Variants in RBFOX3 observed in about 807,000 individuals in gnomAD.
RBFOX3 encodes RNA binding fox-1 homolog 3.
Under a neutral mutation model 48.7 loss-of-function variants are expected in RBFOX3, and 17 were observed. The ratio of observed to expected loss-of-function variants is 0.35; its 90% CI spans 0.24 to 0.52. The LOEUF (loss-of-function observed/expected upper bound fraction) is 0.52, where lower values mean the gene tolerates loss of function less well. Among genes scored for constraint, RBFOX3 ranks in the 20% least tolerant of loss-of-function variants. RBFOX3 has a pLI of 0.94. For synonymous variants in RBFOX3, 212 were observed against 209.5 expected, an observed-to-expected ratio of 1.01 and a Z score of -0.10; for missense variants, 382 against 497.5, an observed-to-expected ratio of 0.77 and a Z score of 2.21.
chr17:79,242,679 G>A lies in RBFOX3; in HGVS notation c.-73-6874C>T, dbSNP rs2062561262. The stretch of plus-strand genomic sequence containing the variant: ...GACCGGGGAGTTCTGGCAGGTTCTG[G>A]CCATCACAGTAGTCCCTGGAGTGGC... On this transcript the variant is annotated intron_variant, in intron 3 of 14. Transcript: ENST00000693108. The surrounding 1 kb of genome is among the most constrained non-coding windows in gnomAD (Gnocchi z 5.8). 6.6e-6 allele frequency among the ~76,000 whole-genome samples: 1 copy of A among 152,066 alleles called. No homozygotes were observed. The highest frequency in any genetic ancestry group is 2.1e-4 in the South Asian group (1 of 4,822).
rs76619224 is a variant in RBFOX3, at chr17:79,315,739, G to A, written c.-174-7915C>T. Among the ~76,000 whole-genome samples the A allele has an allele frequency of 9.1e-3, 1,378 of 152,222 alleles. 17 individuals are homozygous for A. The highest frequency in any genetic ancestry group is 0.032 in the African/African-American group (1,310 of 41,448). ...AAGCCTGGCGTTTCTGCGGGCTGCC[G>A]CCCGTGCCGCCACCCTGGGGGTCTC... is the stretch of plus-strand genomic sequence containing the variant. On this transcript the variant is annotated intron_variant, in intron 2 of 14. Transcript: ENST00000693108.
At chr17:79,567,180 CTT>C (rs1159762873) in intron 1 of RBFOX3, among the ~76,000 whole-genome samples, 10,150 of 91,504 alleles carry the variant, frequency 0.11, 405 homozygotes, top group African/African-American at 0.22. Flanking sequence ...TTCTTTCTTT[CTT>C]TTTTTTTTTT....
intron 1 of RBFOX3, among the ~76,000 whole-genome samples, chr17:79,537,566 C>A (rs1555789066): frequency 6.6e-6 from 1 of 152,200 alleles, no homozygotes; most frequent in Non-Finnish European, 1.5e-5. Context: ...GCTAGACACA[C>A]AATTCCCTTG....
At chr17:79,098,822 A>C (rs1424699534) in intron 9 of RBFOX3, 1 of 152,296 alleles carries the variant, frequency 6.6e-6, no homozygotes, top group Non-Finnish European at 1.5e-5. Context: ...GTCCCTTTGC[A>C]CTGGGTGGGG....
chr17:79,173,502 G>A (rs2049842058), intron 4 of RBFOX3, among the ~76,000 whole-genome samples: 1 of 152,272 alleles, frequency 6.6e-6, no homozygotes, highest in African/African-American at 2.4e-5. Flanking sequence ...TCTCTAAGGG[G>A]CCCACCTGCA....
chr17:79,176,203 C>T (rs900392662), intron 4 of RBFOX3, among the ~76,000 whole-genome samples: 1 of 152,216 alleles, frequency 6.6e-6, no homozygotes, highest in African/African-American at 2.4e-5. Flanking sequence ...TGCAGGGACC[C>T]CAGGGCGAGG....
At chr17:79,559,099 C>T (rs1312509018) in intron 1 of RBFOX3, among the ~76,000 whole-genome samples, 1 of 152,120 alleles carries the variant, frequency 6.6e-6, no homozygotes, top group African/African-American at 2.4e-5. Context: ...GCACTGATGA[C>T]CTCACAATCT....
rs1210715862 is a variant in RBFOX3, at chr17:79,195,909, C to A, written c.-34+39857G>T. On this transcript the variant is annotated intron_variant, in intron 4 of 14. Coordinates refer to ENST00000693108, the MANE Select transcript of RBFOX3 (RefSeq NM_001350451.2). The surrounding 1 kb of genome is among the most constrained non-coding windows in gnomAD (Gnocchi z 5.3). ...TTTCTCTCCGAGGTAGAAGGAGAGG[C>A]CTCGGAAATGCCATTCCAGTGAAAC... Among the ~76,000 whole-genome samples, 1 of 152,192 alleles carries A rather than the reference C, an allele frequency of 6.6e-6. No individual in the cohort carries two copies. Among genetic ancestry groups the A allele is most frequent in the African/African-American group, 2.4e-5 (1 of 41,444 alleles).
rs2063627865 is a variant in RBFOX3, at chr17:79,249,490, G to A, written c.-73-13685C>T. 6.6e-6 allele frequency among the ~76,000 whole-genome samples: 1 copy of A among 151,990 alleles called. No homozygotes were observed. Among genetic ancestry groups the A allele is most frequent in the South Asian group, 2.1e-4 (1 of 4,818 alleles). ...AGGCAGCAAACAACGGGCTTGGGGT[G>A]TGCTTTTTCACCTGCAAACCGGCCA... On this transcript the variant is annotated intron_variant, in intron 3 of 14. Transcript: ENST00000693108. This position sits in a 1 kb window ranked among gnomAD's most constrained non-coding sequence, Gnocchi z 4.1.
rs1012970783 is a variant in RBFOX3 at position 79,391,254 on chromosome 17, G to A, written c.-174-83430C>T. On this transcript the variant is annotated intron_variant, in intron 2 of 14. Coordinates refer to ENST00000693108, the MANE Select transcript of RBFOX3 (RefSeq NM_001350451.2). The surrounding 1 kb of genome is among the most constrained non-coding windows in gnomAD (Gnocchi z 5.0). Reference sequence around the variant, plus strand: ...CAGGATGAAATCCAAATTCCTTAGCGCAACCCCCAAGCTGGGGTCTCAGCT... The same window carrying A: ...CAGGATGAAATCCAAATTCCTTAGCACAACCCCCAAGCTGGGGTCTCAGCT... Among the ~76,000 whole-genome samples, 4 of 151,954 alleles carry A rather than the reference G, an allele frequency of 2.6e-5. No individual in the cohort carries two copies. The highest frequency in any genetic ancestry group is 7.3e-5 in the African/African-American group (3 of 41,346).
the RBFOX3 span, among the ~76,000 whole-genome samples, chr17:79,650,339 A>G: frequency 6.6e-6 from 1 of 152,064 alleles, no homozygotes; most frequent in Non-Finnish European, 1.5e-5. Flanking sequence ...GGGGTGGGCC[A>G]GGGACGGGGC....
the RBFOX3 span, among the ~76,000 whole-genome samples, chr17:79,617,229 C>T: frequency 2.6e-5 from 4 of 152,166 alleles, no homozygotes; most frequent in Non-Finnish European, 5.9e-5. Context: ...TCCATCCAGC[C>T]CTCTCTTGCT....
chr17:79,651,916 T>A, the RBFOX3 span, among the ~76,000 whole-genome samples: 1 of 123,158 alleles, frequency 8.1e-6, no homozygotes, highest in African/African-American at 3.2e-5. Context: ...AGCAGCCATA[T>A]GGAGAGGCTC....
chr17:79,138,690 G>A (rs12953099), intron 4 of RBFOX3, among the ~76,000 whole-genome samples: 2 of 27,034 alleles, frequency 7.4e-5, no homozygotes, highest in African/African-American at 1.8e-4. Flanking sequence ...CCATACACAT[G>A]GACACAGCAC....
chr17:79,334,073 T>C (rs922270584), intron 2 of RBFOX3, among the ~76,000 whole-genome samples: 1 of 152,146 alleles, frequency 6.6e-6, no homozygotes, highest in African/African-American at 2.4e-5. Flanking sequence ...ATTTCTTGTT[T>C]CTGTTGCTTT....
intron 2 of RBFOX3, among the ~76,000 whole-genome samples, chr17:79,465,202 C>T (rs1388372484): frequency 2.6e-5 from 4 of 152,354 alleles, no homozygotes; most frequent in South Asian, 2.1e-4. Flanking sequence ...CCCCTCACCC[C>T]GACACGGGAG....
At chr17:79,196,371 G>T (rs2703549) in intron 4 of RBFOX3, among the ~76,000 whole-genome samples, 85,212 of 152,078 alleles carry the variant, frequency 0.56, 25,997 homozygotes, top group Middle Eastern at 0.7. Context: ...ACCACCCGTG[G>T]GACTCTGAGC....
At chr17:79,237,234 C>T (rs556793442) in intron 3 of RBFOX3, among the ~76,000 whole-genome samples, 26 of 152,314 alleles carry the variant, frequency 1.7e-4, no homozygotes, top group Middle Eastern at 3.4e-3. Context: ...CAGACTGGGC[C>T]TCTTTCTTCA....
Position 79,302,538 on chromosome 17 carries a change from G to A in RBFOX3, c.-74+5186C>T, listed in dbSNP as rs541081080. ...CTACTAAAAATACAAAAAATTAGCT[G>A]GGCGTGGTGGCAGTCGCCTGTAATC... is the stretch of plus-strand genomic sequence containing the variant. On this transcript the variant is annotated intron_variant, in intron 3 of 14. Transcript: ENST00000693108. Among the ~76,000 whole-genome samples, 7 of 152,252 alleles carry A rather than the reference G, an allele frequency of 4.6e-5. No individual in the cohort carries two copies. In the East Asian group the frequency reaches 7.7e-4, roughly 17 times the overall value.
Sources: allele counts gnomAD v4.1 joint callset (sites outside exome capture counted in the v4.1 genomes callset), GRCh38; gene constraint gnomAD v4.1.1; non-coding constraint Gnocchi (gnomAD v3.1); transcripts MANE v1.5; gene names NCBI Gene and HGNC (gene_info 2026-07-23, HGNC 2026-07-21).